The following PPP2R3A variants were observed in gnomAD, a reference collection of about 807,000 sequenced individuals.
PPP2R3A encodes the protein serine/threonine-protein phosphatase 2A regulatory subunit B'' subunit alpha.
Under a neutral mutation model 106.9 loss-of-function variants are expected in PPP2R3A, and 80 were observed. The ratio of observed to expected loss-of-function variants is 0.75; its 90% CI spans 0.62 to 0.90. PPP2R3A has a LOEUF of 0.90. Among genes scored for constraint, PPP2R3A ranks in the 40% least tolerant of loss-of-function variants. The pLI is 0.00. For missense variants in PPP2R3A, 1,386 were observed against 1,350.4 expected (o/e 1.03, Z -0.41); for synonymous variants, 483 against 468.3 (o/e 1.03, Z -0.41).
intron 2 of PPP2R3A, among the ~76,000 whole-genome samples, chr3:136,026,403 A>G (rs2107821845): frequency 6.6e-6 from 1 of 152,288 alleles, no homozygotes; most frequent in East Asian, 1.9e-4. Context: ...TCGGATATAT[A>G]TATTTAAAAG....
intron 7 of PPP2R3A, among the ~76,000 whole-genome samples, chr3:136,079,462 G>A (rs148209794): frequency 7.7e-4 from 113 of 147,612 alleles, no homozygotes; most frequent in Non-Finnish European, 1.3e-3. Context: ...AGGCTGGAGT[G>A]CAGTGGTGCG....
chr3:136,109,147 A>G (rs2107979685), intron 13 of PPP2R3A, among the ~76,000 whole-genome samples: 1 of 152,328 alleles, frequency 6.6e-6, no homozygotes, highest in South Asian at 2.1e-4. Flanking sequence ...AGATGTAAAA[A>G]TGAGGAAGTA....
intron 4 of PPP2R3A, among the ~76,000 whole-genome samples, chr3:136,042,803 T>G (rs568918755): frequency 6.6e-6 from 1 of 152,170 alleles, no homozygotes; most frequent in Non-Finnish European, 1.5e-5. Context: ...ATTAAAATGG[T>G]TTGAGTGCCC....
intron 2 of PPP2R3A, among the ~76,000 whole-genome samples, chr3:136,009,081 C>G (rs1398037691): frequency 6.6e-6 from 1 of 152,136 alleles, no homozygotes; most frequent in African/African-American, 2.4e-5. Context: ...ACTCTGAATT[C>G]ATGATGATTT....
intron 5 of PPP2R3A, chr3:136,055,519 G>A (rs36039354): frequency 0.31 from 375,146 of 1,216,252 alleles, 61,927 homozygotes; most frequent in Non-Finnish European, 0.35. Context: ...AGGTTCTATC[G>A]TGCCTCATTC....
At chr3:136,103,650 T>C (rs998877921) in intron 12 of PPP2R3A, among the ~76,000 whole-genome samples, 13 of 151,632 alleles carry the variant, frequency 8.6e-5, no homozygotes, top group African/African-American at 3.2e-4. Context: ...AACAAAAGAG[T>C]AGTTTTGAAA....
intron 13 of PPP2R3A, among the ~76,000 whole-genome samples, chr3:136,130,118 C>T (rs1262957918): frequency 6.6e-6 from 1 of 152,118 alleles, no homozygotes; most frequent in Admixed American, 6.5e-5. Context: ...GACAAGGATG[C>T]CCTCTCTAAC....
chr3:136,113,450 C>T (rs942098071), intron 13 of PPP2R3A, among the ~76,000 whole-genome samples: 7 of 152,078 alleles, frequency 4.6e-5, no homozygotes, highest in African/African-American at 1.2e-4. Context: ...AAACTGGACC[C>T]CTTCCTTTCA....
In PPP2R3A at chr3:136,054,253, C is replaced by CTTTTTTTTT. The variant is rs35801926; in HGVS notation, c.2469+4908_2469+4916dup. Among the ~76,000 whole-genome samples, 8 of 80,756 alleles carry CTTTTTTTTT rather than the reference C, an allele frequency of 9.9e-5. 1 individual carries two copies. Among genetic ancestry groups the CTTTTTTTTT allele is most frequent in the Non-Finnish European group, 1.1e-4 (5 of 45,688 alleles). 53.0% of individuals were successfully genotyped at this position (80,756 alleles called of 152,430 possible). A position where few individuals can be genotyped will look rare whatever the true frequency, so the allele number is the denominator to read the frequency against. ...TGACAGCTCGGTATACTTCACAATTCTTTTTTTTTTTTTTTTTTTTTTTTG... is the reference window on the plus strand; with the variant it reads ...TGACAGCTCGGTATACTTCACAATTCTTTTTTTTTTTTTTTTTTTTTTTTTTTTTTTTTG... On this transcript the variant is annotated intron_variant, in intron 5 of 13. Coordinates refer to ENST00000264977, the MANE Select transcript of PPP2R3A (RefSeq NM_002718.5).
At chr3:136,024,220 C>T (rs1323763652) in intron 2 of PPP2R3A, among the ~76,000 whole-genome samples, 1 of 152,092 alleles carries the variant, frequency 6.6e-6, no homozygotes, top group African/African-American at 2.4e-5. Flanking sequence ...TGAGCAGATG[C>T]TAAACTTGCT....
At position 136,040,939 on chromosome 3, in the gene PPP2R3A, G is replaced by T. The variant is rs1353819085; in HGVS notation, c.2343G>T (p.Gln781His). Residue 781 changes from glutamine to histidine, a missense_variant, in exon 4 of 14, where the codon CAG becomes CAT. Transcript: ENST00000264977. ...AGAAGACAGGATTTGTGACAGCACAGTCATTCATTGCCATGTGGAGAAAGT... is the reference window on the plus strand; with the variant it reads ...AGAAGACAGGATTTGTGACAGCACATTCATTCATTGCCATGTGGAGAAAGT... The part of the protein sequence containing the change: ...GGEKTGFVTA[Q>H]SFIAMWRKLL... The T allele has an allele frequency of 1.2e-6, 2 of 1,613,530 alleles. No homozygotes were observed. The highest frequency in any genetic ancestry group is 1.7e-6 in the Non-Finnish European group (2 of 1,179,738).
chr3:136,094,514 C>G (rs1937172229), intron 10 of PPP2R3A, among the ~76,000 whole-genome samples: 2 of 152,124 alleles, frequency 1.3e-5, no homozygotes, highest in Non-Finnish European at 2.9e-5. Flanking sequence ...TTAAACAACA[C>G]ACTTCTAAAT....
At position 136,009,241 on chromosome 3, in the gene PPP2R3A, G is replaced by A. The variant is rs546457026; in HGVS notation, c.1995+5748G>A. 3.3e-5 allele frequency among the ~76,000 whole-genome samples: 5 copies of A among 152,158 alleles called. No homozygotes were observed. The South Asian group carries it at 8.3e-4, about 25-fold the overall frequency. ...ACCCCCTATCCCACTGGGCCTGGAG[G>A]GGGCAGTAAGGGTTCTTGCATTTCA... On this transcript the variant is annotated intron_variant, in intron 2 of 13. Transcript: ENST00000264977.
Position 136,106,284 on chromosome 3 carries a change from T to C in PPP2R3A, c.3291T>C (p.Leu1097=). 1 of 1,613,894 alleles carries C rather than the reference T, an allele frequency of 6.2e-7. No homozygotes were observed. The highest frequency in any genetic ancestry group is 8.5e-7 in the Non-Finnish European group (1 of 1,179,940). ...DRFAAEEYET[L]VAEESAQAQF... The stretch of plus-strand genomic sequence containing the variant: ...TTGCCGCTGAGGAGTATGAGACGCT[T>C]GTTGCAGAGGAATCTGCCCAAGCAC... The change falls in exon 13 of 14, where the codon CTT becomes CTC. Residue 1097 remains leucine (L), a synonymous_variant. Transcript: ENST00000264977.
In PPP2R3A at chr3:136,044,893, G is replaced by T. The variant is rs1036627173; in HGVS notation, c.2366+3931G>T. Among the ~76,000 whole-genome samples, 7 of 152,168 alleles carry T rather than the reference G, an allele frequency of 4.6e-5. No homozygotes were observed. In the South Asian group the frequency reaches 6.2e-4, roughly 13 times the overall value. On this transcript the variant is annotated intron_variant, in intron 4 of 13. Coordinates refer to ENST00000264977, the MANE Select transcript of PPP2R3A (RefSeq NM_002718.5). ...AAGAGATCCCACAGCCACCATGGAC[G>T]TTTGAGTTGGCAGGGAAAACTGCTT...
chr3:136,078,659 A>AG (rs1236075534), intron 7 of PPP2R3A, among the ~76,000 whole-genome samples: 3 of 152,210 alleles, frequency 2.0e-5, no homozygotes, highest in Non-Finnish European at 4.4e-5. Flanking sequence ...CTCTGCCTGA[A>AG]GGCATGCACT....
At chr3:136,107,706 T>G (rs1937540810) in intron 13 of PPP2R3A, among the ~76,000 whole-genome samples, 2 of 152,166 alleles carry the variant, frequency 1.3e-5, no homozygotes, top group Admixed American at 1.3e-4. Context: ...TTAACCTGCT[T>G]AGCCACAAAA....
At chr3:136,025,618 T>C (rs963566311) in intron 2 of PPP2R3A, among the ~76,000 whole-genome samples, 3 of 152,108 alleles carry the variant, frequency 2.0e-5, no homozygotes, top group Admixed American at 6.6e-5. Flanking sequence ...TTTTTAAAAT[T>C]ATGTTATAAA....
At chr3:136,067,388 C>G (rs1222540066) in intron 5 of PPP2R3A, among the ~76,000 whole-genome samples, 4 of 152,088 alleles carry the variant, frequency 2.6e-5, no homozygotes, top group African/African-American at 9.7e-5. Context: ...TGATTCATTC[C>G]TGAGAGACAG....
Sources: allele counts gnomAD v4.1 joint callset (sites outside exome capture counted in the v4.1 genomes callset), GRCh38; gene constraint gnomAD v4.1.1; transcripts MANE v1.5; gene names NCBI Gene and HGNC (gene_info 2026-07-23, HGNC 2026-07-21).